CLSTN2: variants seen among roughly 807,000 people sequenced by gnomAD.
The protein encoded by CLSTN2 is calsyntenin-2.
In CLSTN2, 48 loss-of-function variants were observed where a neutral mutation model predicts 101.2. That is an observed-to-expected ratio of 0.47 (90% CI 0.38 to 0.60). CLSTN2 has a LOEUF of 0.60. Among genes scored for constraint, CLSTN2 ranks in the 20% least tolerant of loss-of-function variants. The pLI is 0.00. For missense variants in CLSTN2, 1,160 were observed against 1,238.2 expected (o/e 0.94, Z 0.95); for synonymous variants, 481 against 463.6 (o/e 1.04, Z -0.48).
chr3:140,481,047 C>T (rs555705662), intron 8 of CLSTN2, among the ~76,000 whole-genome samples: 1 of 152,166 alleles, frequency 6.6e-6, no homozygotes, highest in South Asian at 2.1e-4. Flanking sequence ...ATGGTATTGC[C>T]TATGTTTTGT....
chr3:140,482,121 C>T (rs1480506654), intron 8 of CLSTN2, among the ~76,000 whole-genome samples: 1 of 152,070 alleles, frequency 6.6e-6, no homozygotes, highest in Non-Finnish European at 1.5e-5. Context: ...GAGATACATC[C>T]CATCAATACC....
At chr3:140,143,681 C>A (rs1323528578) in intron 1 of CLSTN2, among the ~76,000 whole-genome samples, 3 of 152,330 alleles carry the variant, frequency 2.0e-5, no homozygotes, top group East Asian at 3.9e-4. Flanking sequence ...CCAGTCCCAC[C>A]TACATGTGCC....
At chr3:140,076,097 C>T (rs2008482730) in intron 1 of CLSTN2, among the ~76,000 whole-genome samples, 1 of 152,128 alleles carries the variant, frequency 6.6e-6, no homozygotes, top group Admixed American at 6.5e-5. Flanking sequence ...CTGGCAACCA[C>T]CATCCGGCCT....
At chr3:140,486,535 C>G (rs73231228) in intron 8 of CLSTN2, among the ~76,000 whole-genome samples, 1 of 152,068 alleles carries the variant, frequency 6.6e-6, no homozygotes, top group African/African-American at 2.4e-5. Context: ...TGTGATAAGA[C>G]AAAGATGCAT....
At chr3:140,552,401 TAAAAAAAAA>T (rs5852986) in intron 10 of CLSTN2, among the ~76,000 whole-genome samples, 1 of 138,828 alleles carries the variant, frequency 7.2e-6, no homozygotes, top group Non-Finnish European at 1.5e-5. Flanking sequence ...TACCGCAGTT[TAAAAAAAAA>T]AAAAAAAAAG....
At chr3:140,534,068 G>A (rs1038518693) in intron 9 of CLSTN2, among the ~76,000 whole-genome samples, 1 of 152,104 alleles carries the variant, frequency 6.6e-6, no homozygotes, top group African/African-American at 2.4e-5. Context: ...CGTGTCACAT[G>A]GCAAGAGTTC....
At chr3:140,081,852 C>G (rs1010966231) in intron 1 of CLSTN2, among the ~76,000 whole-genome samples, 3 of 152,182 alleles carry the variant, frequency 2.0e-5, no homozygotes, top group Admixed American at 6.5e-5. Context: ...GCTGTTTGAC[C>G]TTCAGCAAGT....
intron 2 of CLSTN2, among the ~76,000 whole-genome samples, chr3:140,280,305 G>T (rs114100813): frequency 6.6e-6 from 1 of 152,058 alleles, no homozygotes; most frequent in African/African-American, 2.4e-5. Flanking sequence ...CTGTCATTTC[G>T]GATCCTGGGT....
intron 1 of CLSTN2, among the ~76,000 whole-genome samples, chr3:140,168,605 T>C (rs1350264563): frequency 6.6e-6 from 1 of 152,110 alleles, no homozygotes; most frequent in African/African-American, 2.4e-5. Context: ...TGATATGCTT[T>C]ATTTTAAAGG....
chr3:140,120,179 C>T (rs536103985), intron 1 of CLSTN2, among the ~76,000 whole-genome samples: 16 of 152,272 alleles, frequency 1.1e-4, no homozygotes, highest in African/African-American at 3.8e-4. Flanking sequence ...CAGATACTAG[C>T]CTTGGGTCCC....
chr3:140,528,295 G>A (rs1208679779), intron 8 of CLSTN2, among the ~76,000 whole-genome samples: 2 of 151,822 alleles, frequency 1.3e-5, no homozygotes, highest in Non-Finnish European at 2.9e-5. Flanking sequence ...ATCTCCCATT[G>A]CCTACAGAAT....
At chr3:139,943,791 C>T (rs927579233) in intron 1 of CLSTN2, among the ~76,000 whole-genome samples, 3 of 152,210 alleles carry the variant, frequency 2.0e-5, no homozygotes, top group Non-Finnish European at 4.4e-5. Context: ...CCCATCCCAA[C>T]CATAACCTCA....
intron 1 of CLSTN2, among the ~76,000 whole-genome samples, chr3:139,990,358 A>G (rs1460682197): frequency 6.6e-6 from 1 of 152,156 alleles, no homozygotes; most frequent in Non-Finnish European, 1.5e-5. Context: ...CAGTGTTGAG[A>G]AAATGAAAAG....
At chr3:140,407,947 C>T (rs114892134) in intron 4 of CLSTN2, among the ~76,000 whole-genome samples, 1,539 of 152,172 alleles carry the variant, frequency 0.01, 29 homozygotes, top group African/African-American at 0.034. Flanking sequence ...TTTGCAAACA[C>T]GAAGTATGGG....
At chr3:140,406,361 GA>G (rs11415454) in intron 4 of CLSTN2, among the ~76,000 whole-genome samples, 1 of 152,010 alleles carries the variant, frequency 6.6e-6, no homozygotes, top group Admixed American at 6.5e-5. Context: ...TCATAAGACA[GA>G]AAAAAATAAT....
At chr3:140,282,755 CTG>C (rs1351994301) in intron 2 of CLSTN2, among the ~76,000 whole-genome samples, 1 of 152,124 alleles carries the variant, frequency 6.6e-6, no homozygotes, top group Non-Finnish European at 1.5e-5. Flanking sequence ...GCCAGAGAAA[CTG>C]AGTTTTGAAG....
chr3:139,973,545 G>C (rs1176059649), intron 1 of CLSTN2, among the ~76,000 whole-genome samples: 1 of 152,164 alleles, frequency 6.6e-6, no homozygotes, highest in Non-Finnish European at 1.5e-5. Context: ...AGGGGTGTGT[G>C]GGGTAGAGGG....
chr3:140,064,325 T>C (rs2008261737), intron 1 of CLSTN2, among the ~76,000 whole-genome samples: 1 of 152,230 alleles, frequency 6.6e-6, no homozygotes, highest in African/African-American at 2.4e-5. Flanking sequence ...TCATTGCTAA[T>C]TATCACTAAA....
At chr3:140,148,728 C>A (rs1189011393) in intron 1 of CLSTN2, among the ~76,000 whole-genome samples, 1 of 152,138 alleles carries the variant, frequency 6.6e-6, no homozygotes, top group East Asian at 1.9e-4. Context: ...AAGTGCAGGT[C>A]ATTTATGGTA....
Sources: allele counts gnomAD v4.1 joint callset (sites outside exome capture counted in the v4.1 genomes callset), GRCh38; gene constraint gnomAD v4.1.1; transcripts MANE v1.5; gene names NCBI Gene and HGNC (gene_info 2026-07-23, HGNC 2026-07-21).